The following CACNB2 variants were observed in gnomAD, a reference collection of about 807,000 sequenced individuals.
The protein encoded by CACNB2 is voltage-dependent L-type calcium channel subunit beta-2.
In CACNB2, 42 loss-of-function variants were observed where a neutral mutation model predicts 73.3. That is an observed-to-expected ratio of 0.57 (90% CI 0.45 to 0.74). The LOEUF (loss-of-function observed/expected upper bound fraction) is 0.74, where lower values mean the gene tolerates loss of function less well. CACNB2 is among the 30% of genes least tolerant of loss of function. The probability of loss-of-function intolerance (pLI) is 0.00; values close to 1 mark genes in which losing one functional copy is unlikely to be tolerated. For synonymous variants in CACNB2, 348 were observed against 310.3 expected, an observed-to-expected ratio of 1.12 and a Z score of -1.28; for missense variants, 940 against 853.0, an observed-to-expected ratio of 1.10 and a Z score of -1.27.
At chr10:18,230,017 A>G (rs1324489655) in intron 2 of CACNB2, among the ~76,000 whole-genome samples, 2 of 152,168 alleles carry the variant, frequency 1.3e-5, no homozygotes, top group Non-Finnish European at 2.9e-5. Flanking sequence ...TGGTGACAGC[A>G]ATTATTTTGA....
chr10:18,235,937 A>C (rs2036424625), intron 2 of CACNB2, among the ~76,000 whole-genome samples: 1 of 152,132 alleles, frequency 6.6e-6, no homozygotes, highest in African/African-American at 2.4e-5. Context: ...GATTTCTCAC[A>C]AGACCTGGTT....
intron 3 of CACNB2, among the ~76,000 whole-genome samples, chr10:18,425,974 A>G (rs532177359): frequency 4.9e-4 from 75 of 152,172 alleles, no homozygotes; most frequent in Non-Finnish European, 9.0e-4. Flanking sequence ...TCATGTTTCA[A>G]TGCCATACTA....
At chr10:18,198,028 C>T (rs904179670) in intron 2 of CACNB2, among the ~76,000 whole-genome samples, 13 of 147,068 alleles carry the variant, frequency 8.8e-5, no homozygotes, top group African/African-American at 3.2e-4. Flanking sequence ...TATAAATTTA[C>T]ATAATATACA....
At chr10:18,223,381 A>T (rs2035867948) in intron 2 of CACNB2, among the ~76,000 whole-genome samples, 2 of 152,248 alleles carry the variant, frequency 1.3e-5, no homozygotes, top group African/African-American at 4.8e-5. Context: ...TGTTGAATGA[A>T]TAAATGAAAT....
chr10:18,401,118 C>T (rs758919099), intron 2 of CACNB2: 2 of 1,613,904 alleles, frequency 1.2e-6, no homozygotes, highest in Non-Finnish European at 8.5e-7. Flanking sequence ...CAAGGGCTTT[C>T]GTTTGTGGGG....
chr10:18,179,832 T>C (rs2033785956), intron 2 of CACNB2, among the ~76,000 whole-genome samples: 1 of 152,214 alleles, frequency 6.6e-6, no homozygotes, highest in African/African-American at 2.4e-5. Context: ...TCCTCTCCAG[T>C]AGTCTAAGTT....
intron 6 of CACNB2, among the ~76,000 whole-genome samples, chr10:18,507,795 T>C (rs1589588302): frequency 1.3e-5 from 2 of 152,186 alleles, no homozygotes; most frequent in Admixed American, 1.3e-4. Context: ...AACAGAGAGT[T>C]GTACAACTAT....
chr10:18,370,552 G>A (rs1398167778), intron 2 of CACNB2, among the ~76,000 whole-genome samples: 1 of 152,164 alleles, frequency 6.6e-6, no homozygotes, highest in African/African-American at 2.4e-5. Context: ...CTCCCACCTT[G>A]GCCTTTCAAA....
intron 2 of CACNB2, among the ~76,000 whole-genome samples, chr10:18,170,563 A>G (rs770580723): frequency 2.6e-5 from 4 of 152,214 alleles, no homozygotes; most frequent in Non-Finnish European, 5.9e-5. Context: ...CTATATTTTT[A>G]AAATTTTCAA....
chr10:18,502,689 C>CAAAAAA (rs71200974), intron 5 of CACNB2, among the ~76,000 whole-genome samples: 25 of 73,258 alleles, frequency 3.4e-4, no homozygotes, highest in South Asian at 7.7e-4. Context: ...GACTCCATCT[C>CAAAAAA]AAAAAAAAAA....
intron 2 of CACNB2, among the ~76,000 whole-genome samples, chr10:18,317,640 C>A (rs1589027604): frequency 1.3e-5 from 2 of 152,184 alleles, no homozygotes; most frequent in Admixed American, 1.3e-4. Context: ...GCACCAGCAA[C>A]AGGTGCCTGG....
intron 2 of CACNB2, among the ~76,000 whole-genome samples, chr10:18,220,148 TATATATAC>T (rs1217490696): frequency 0.12 from 3,770 of 30,268 alleles, 158 homozygotes; most frequent in African/African-American, 0.16. Context: ...TATATATATA[TATATATAC>T]ACACACACAC....
In CACNB2 at chr10:18,248,446, T is replaced by C. The variant is rs547063021; in HGVS notation, c.213+97471T>C. On this transcript the variant is annotated intron_variant, in intron 2 of 13. Transcript: ENST00000324631. ...ATAAATCATATGAATCTCCCCAAGTTCTACTATTTCTGATCTTAAATTTGA... is the reference window on the plus strand; with the variant it reads ...ATAAATCATATGAATCTCCCCAAGTCCTACTATTTCTGATCTTAAATTTGA... 6.6e-5 allele frequency among the ~76,000 whole-genome samples: 10 copies of C among 152,298 alleles called. No homozygotes were observed. In the South Asian group the frequency reaches 8.3e-4, roughly 13 times the overall value.
intron 2 of CACNB2, among the ~76,000 whole-genome samples, chr10:18,290,752 G>A (rs1315823184): frequency 6.6e-6 from 1 of 152,202 alleles, no homozygotes; most frequent in Non-Finnish European, 1.5e-5. Flanking sequence ...CTAATCACAC[G>A]GTGTTGCTTG....
At chr10:18,371,848 A>T (rs1363286156) in intron 2 of CACNB2, among the ~76,000 whole-genome samples, 1 of 152,196 alleles carries the variant, frequency 6.6e-6, no homozygotes, top group African/African-American at 2.4e-5. Flanking sequence ...ATTTCTCCAC[A>T]TCCTCTCCAG....
At chr10:18,363,015 G>T (rs2042204393) in intron 2 of CACNB2, among the ~76,000 whole-genome samples, 1 of 152,268 alleles carries the variant, frequency 6.6e-6, no homozygotes, top group South Asian at 2.1e-4. Flanking sequence ...CTCTACCTGT[G>T]AGCAAAAGCT....
intron 2 of CACNB2, chr10:18,341,007 T>G (rs2041211990): frequency 6.2e-7 from 1 of 1,610,850 alleles, no homozygotes; most frequent in African/African-American, 1.3e-5. Context: ...GCCGGCCAGA[T>G]GCACGGTGCG....
At chr10:18,215,784 G>A (rs73595552) in intron 2 of CACNB2, among the ~76,000 whole-genome samples, 2,371 of 152,166 alleles carry the variant, frequency 0.016, 57 homozygotes, top group African/African-American at 0.05. Context: ...TAAATTTTCC[G>A]CGTCCCTCCA....
At chr10:18,367,150 G>A (rs2042387703) in intron 2 of CACNB2, among the ~76,000 whole-genome samples, 1 of 151,752 alleles carries the variant, frequency 6.6e-6, no homozygotes, top group African/African-American at 2.4e-5. Flanking sequence ...TTCCAAGTTT[G>A]TTTTTAAACT....
Sources: allele counts gnomAD v4.1 joint callset (sites outside exome capture counted in the v4.1 genomes callset), GRCh38; gene constraint gnomAD v4.1.1; transcripts MANE v1.5; gene names NCBI Gene and HGNC (gene_info 2026-07-23, HGNC 2026-07-21).